SWAP70: variants seen among roughly 807,000 people sequenced by gnomAD.
SWAP70 encodes the protein switch-associated protein 70.
SWAP70 carries 34 observed loss-of-function variants against 80.2 expected under a neutral mutation model. That is an observed-to-expected ratio of 0.42 (90% confidence interval 0.32 to 0.56). SWAP70 has a LOEUF of 0.56. Among genes scored for constraint, SWAP70 ranks in the 20% least tolerant of loss-of-function variants. The pLI is 0.09. For missense variants in SWAP70, 578 were observed against 690.7 expected (o/e 0.84, Z 1.83); for synonymous variants, 239 against 238.5 (o/e 1.00, Z -0.02).
At chr11:9,679,319 T>C (rs1850538693) in intron 1 of SWAP70, among the ~76,000 whole-genome samples, 1 of 152,196 alleles carries the variant, frequency 6.6e-6, no homozygotes, top group South Asian at 2.1e-4. Flanking sequence ...GTTCTGGTCA[T>C]ATGGACAGTG....
chr11:9,704,322 G>A (rs1431597900), intron 2 of SWAP70, among the ~76,000 whole-genome samples: 5 of 151,288 alleles, frequency 3.3e-5, no homozygotes, highest in African/African-American at 7.3e-5. Flanking sequence ...TTGGGACCAC[G>A]AGCCATGGCT....
intron 5 of SWAP70, among the ~76,000 whole-genome samples, chr11:9,728,888 T>G (rs1233204049): frequency 6.6e-6 from 1 of 152,196 alleles, no homozygotes; most frequent in African/African-American, 2.4e-5. Context: ...AAGGCCAGTT[T>G]ACTCATAAAC....
chr11:9,671,713 A>T (rs1488717324), intron 1 of SWAP70, among the ~76,000 whole-genome samples: 3 of 88,650 alleles, frequency 3.4e-5, no homozygotes, highest in African/African-American at 1.2e-4. Flanking sequence ...TATACATAGA[A>T]ATATATAAAT....
intron 2 of SWAP70, among the ~76,000 whole-genome samples, chr11:9,711,883 G>A (rs189942446): frequency 1.3e-5 from 2 of 152,258 alleles, no homozygotes; most frequent in East Asian, 3.9e-4. Flanking sequence ...TACACGAAGA[G>A]CCTTAGTTAT....
At chr11:9,731,833 C>G (rs930542127) in intron 6 of SWAP70, among the ~76,000 whole-genome samples, 4 of 152,006 alleles carry the variant, frequency 2.6e-5, no homozygotes, top group African/African-American at 7.3e-5. Context: ...ACTTGAGGGA[C>G]AGGAGTAGGA....
intron 3 of SWAP70, among the ~76,000 whole-genome samples, chr11:9,718,691 T>C (rs1252860404): frequency 6.6e-6 from 1 of 151,688 alleles, no homozygotes. Context: ...CAGTAGTTTT[T>C]AGGATTTATA....
At chr11:9,696,548 A>G (rs997120563) in intron 2 of SWAP70, among the ~76,000 whole-genome samples, 28 of 152,220 alleles carry the variant, frequency 1.8e-4, no homozygotes, top group African/African-American at 6.0e-4. Context: ...CCTCAAATCA[A>G]TATATGCTAT....
At chr11:9,707,672 C>T (rs1282358225) in intron 2 of SWAP70, among the ~76,000 whole-genome samples, 2 of 151,360 alleles carry the variant, frequency 1.3e-5, no homozygotes, top group African/African-American at 4.9e-5. Flanking sequence ...TCTCCTGCCT[C>T]AGCCTCCTTA....
intron 4 of SWAP70, among the ~76,000 whole-genome samples, chr11:9,725,565 A>ATTTTTTTTT (rs1851209163): frequency 5.8e-5 from 1 of 17,356 alleles, no homozygotes; most frequent in African/African-American, 2.7e-4. Context: ...ATATATATAT[A>ATTTTTTTTT]TATATTTTTT....
At chr11:9,672,446 C>T (rs1053145250) in intron 1 of SWAP70, among the ~76,000 whole-genome samples, 3 of 151,038 alleles carry the variant, frequency 2.0e-5, no homozygotes, top group East Asian at 3.9e-4. Context: ...CTCACCATAC[C>T]CATGACCTCC....
intron 1 of SWAP70, among the ~76,000 whole-genome samples, chr11:9,691,384 C>T (rs535705334): frequency 2.9e-4 from 44 of 152,292 alleles, no homozygotes; most frequent in Middle Eastern, 3.4e-3. Flanking sequence ...GATGCAGAGA[C>T]ATTGGAGCGC....
At chr11:9,698,100 G>GTT (rs1255294896) in intron 2 of SWAP70, among the ~76,000 whole-genome samples, 8 of 116,286 alleles carry the variant, frequency 6.9e-5, no homozygotes, top group African/African-American at 1.3e-4. Context: ...CATGTTTTTT[G>GTT]TTTTTTTTTT....
intron 1 of SWAP70, among the ~76,000 whole-genome samples, chr11:9,671,700 ATG>A (rs1850403130): frequency 1.8e-5 from 2 of 110,386 alleles, no homozygotes; most frequent in African/African-American, 7.3e-5. Flanking sequence ...ATATATTTCT[ATG>A]TATACATAGA....
chr11:9,736,668 C>T (rs1851367418), intron 7 of SWAP70, among the ~76,000 whole-genome samples: 1 of 152,120 alleles, frequency 6.6e-6, no homozygotes, highest in South Asian at 2.1e-4. Flanking sequence ...TTTTGCAGGG[C>T]TCTCTTTGAG....
At chr11:9,704,584 G>C (rs1850875789) in intron 2 of SWAP70, among the ~76,000 whole-genome samples, 1 of 151,882 alleles carries the variant, frequency 6.6e-6, no homozygotes, top group African/African-American at 2.4e-5. Flanking sequence ...GTAGAGATTG[G>C]GTTTCACCAT....
At chr11:9,728,850 C>A (rs1851258969) in intron 5 of SWAP70, among the ~76,000 whole-genome samples, 1 of 151,726 alleles carries the variant, frequency 6.6e-6, no homozygotes, top group East Asian at 1.9e-4. Context: ...TTAGATTTAA[C>A]TAAACATGGA....
At chr11:9,721,535 G>A (rs1851137708) in intron 3 of SWAP70, among the ~76,000 whole-genome samples, 1 of 149,562 alleles carries the variant, frequency 6.7e-6, no homozygotes, top group African/African-American at 2.5e-5. Flanking sequence ...GCAGTGTTGT[G>A]GTCATAGCTC....
chr11:9,736,154 G>A (rs559518710), intron 7 of SWAP70, among the ~76,000 whole-genome samples: 58 of 151,818 alleles, frequency 3.8e-4, no homozygotes, highest in African/African-American at 8.9e-4. Flanking sequence ...TGAATTTTTC[G>A]TTTCAGTTAT....
At chr11:9,708,868 A>G (rs564046682) in intron 2 of SWAP70, among the ~76,000 whole-genome samples, 39 of 152,204 alleles carry the variant, frequency 2.6e-4, no homozygotes, top group Non-Finnish European at 4.6e-4. Flanking sequence ...GCCTCCACCT[A>G]CTGAGTTCTA....
Sources: allele counts gnomAD v4.1 joint callset (sites outside exome capture counted in the v4.1 genomes callset), GRCh38; gene constraint gnomAD v4.1.1; transcripts MANE v1.5; gene names NCBI Gene and HGNC (gene_info 2026-07-23, HGNC 2026-07-21).